The following WFDC9 variants were observed in gnomAD, a reference collection of about 807,000 sequenced individuals.
WFDC9 encodes protein WFDC9.
In WFDC9, 9 loss-of-function variants were observed where a neutral mutation model predicts 9.5. That is an observed-to-expected ratio of 0.95 (90% CI 0.57 to 1.65). The LOEUF (loss-of-function observed/expected upper bound fraction) is 1.65, where lower values mean the gene tolerates loss of function less well. Ranked by LOEUF, WFDC9 falls within the 40% of genes most tolerant of loss-of-function variation. WFDC9 has a pLI of 0.00. For synonymous variants in WFDC9, 33 were observed against 32.3 expected (o/e 1.02, Z -0.07); for missense variants, 87 against 106.7 (o/e 0.82, Z 0.81).
chr20:45,623,456 G>A (rs965695501), intron 1 of WFDC9, among the ~76,000 whole-genome samples: 1 of 151,874 alleles, frequency 6.6e-6, no homozygotes, highest in Non-Finnish European at 1.5e-5. Flanking sequence ...GTAAAAATCC[G>A]TCTCTACTGA....
At chr20:45,627,105 G>A (rs1982235879) in intron 1 of WFDC9, among the ~76,000 whole-genome samples, 1 of 152,308 alleles carries the variant, frequency 6.6e-6, no homozygotes, top group South Asian at 2.1e-4. Context: ...TTCTGTTGAT[G>A]TGAAGTATCA....
chr20:45,610,258 G>A lies in WFDC9; in HGVS notation c.-58-19C>T. 1 of 1,282,322 alleles carries A rather than the reference G, an allele frequency of 7.8e-7. No homozygotes were observed. Among genetic ancestry groups the A allele is most frequent in the South Asian group, 1.3e-5 (1 of 78,712 alleles). 79.4% of individuals were successfully genotyped at this position (1,282,322 alleles called of 1,614,324 possible). A position where few individuals can be genotyped will look rare whatever the true frequency, so the allele number is the denominator to read the frequency against. On this transcript the variant is annotated intron_variant, in intron 2 of 4. Transcript: ENST00000326000. ...CCCAATACTGCTAGACGTAGAAAAT[G>A]GATTGAGGAGAACAGGGTAAGCAAC...
rs1981963644 is a variant in WFDC9, at chr20:45,615,901, T to G, written c.-152-1180A>C. On this transcript the variant is annotated intron_variant, in intron 1 of 4. Coordinates refer to ENST00000326000, the MANE Select transcript of WFDC9 (RefSeq NM_147198.4). ...GTGCATACCATAATTTTAAAATACT[T>G]TACTACTAAAAATTGCTAATGATTA... 2.0e-5 allele frequency among the ~76,000 whole-genome samples: 3 copies of G among 152,224 alleles called. 1 individual carries two copies. In the South Asian group the frequency reaches 6.2e-4, roughly 32 times the overall value.
intron 1 of WFDC9, among the ~76,000 whole-genome samples, chr20:45,621,155 A>G (rs1982088858): frequency 6.6e-6 from 1 of 152,106 alleles, no homozygotes; most frequent in South Asian, 2.1e-4. Context: ...AGGATTTTTT[A>G]TTTAAGCCCA....
intron 1 of WFDC9, among the ~76,000 whole-genome samples, chr20:45,621,342 C>T (rs1285144366): frequency 6.6e-6 from 1 of 152,190 alleles, no homozygotes; most frequent in Non-Finnish European, 1.5e-5. Context: ...TCTATCTCTT[C>T]CTTCCACTTT....
At position 45,631,201 on chromosome 20, in the gene WFDC9, A is replaced by C; in HGVS notation, c.-153+2T>G. On this transcript the variant is annotated splice_donor_variant, in intron 1 of 4. Coordinates refer to ENST00000326000, the MANE Select transcript of WFDC9 (RefSeq NM_147198.4). LOFTEE classifies it low-confidence loss of function (5UTR_SPLICE). ...ACCAGAACAAATGCCCAGGGATCCT[A>C]CCTCTTTTGCTGCCACTACAGATGA... 6 of 571,998 alleles carry C rather than the reference A, an allele frequency of 1.0e-5. No individual in the cohort carries two copies. The allele number at this position is 571,998 out of a possible 1,614,324, so 35.4% of individuals were successfully genotyped here. A position where few individuals can be genotyped will look rare whatever the true frequency, so the allele number is the denominator to read the frequency against.
At chr20:45,609,376 T>C (rs574404636) in intron 3 of WFDC9, among the ~76,000 whole-genome samples, 1 of 152,034 alleles carries the variant, frequency 6.6e-6, no homozygotes, top group African/African-American at 2.4e-5. Context: ...GCTAATTTTT[T>C]GTATCTTAAT....
intron 1 of WFDC9, among the ~76,000 whole-genome samples, chr20:45,619,128 G>A (rs1982036811): frequency 1.3e-5 from 2 of 152,178 alleles, no homozygotes; most frequent in South Asian, 4.1e-4. Context: ...ACTGAAAATG[G>A]TGCCAAACCT....
chr20:45,612,054 A>G (rs1464847227), intron 2 of WFDC9, among the ~76,000 whole-genome samples: 1 of 152,142 alleles, frequency 6.6e-6, no homozygotes, highest in Non-Finnish European at 1.5e-5. Context: ...AAAAATATCA[A>G]TACTCATCTC....
chr20:45,616,119 G>A (rs1330208072), intron 1 of WFDC9, among the ~76,000 whole-genome samples: 6 of 152,144 alleles, frequency 3.9e-5, no homozygotes, highest in South Asian at 4.1e-4. Context: ...AGCATGCAAC[G>A]CTGCTTGATA....
At chr20:45,624,574 A>G (rs924416259) in intron 1 of WFDC9, among the ~76,000 whole-genome samples, 3 of 152,188 alleles carry the variant, frequency 2.0e-5, no homozygotes, top group African/African-American at 4.8e-5. Context: ...TTGGATAAAT[A>G]CCTAGTAGTG....
intron 1 of WFDC9, among the ~76,000 whole-genome samples, chr20:45,626,053 C>A (rs183238525): frequency 5.2e-4 from 79 of 152,054 alleles, no homozygotes; most frequent in Non-Finnish European, 9.3e-4. Flanking sequence ...AACACCTGAC[C>A]TCATGTGATC....
chr20:45,616,927 T>G (rs948148289), intron 1 of WFDC9, among the ~76,000 whole-genome samples: 1 of 152,220 alleles, frequency 6.6e-6, no homozygotes, highest in Non-Finnish European at 1.5e-5. Flanking sequence ...TTTGGCTCAT[T>G]ATTACTTTAA....
Position 45,625,021 on chromosome 20 carries a change from T to A in WFDC9, c.-153+6182A>T, listed in dbSNP as rs962575075. Among the ~76,000 whole-genome samples, 8 of 152,182 alleles carry A rather than the reference T, an allele frequency of 5.3e-5. No homozygotes were observed. The East Asian group carries it at 7.7e-4, about 15-fold the overall frequency. ...TCAAATGAATAATGTATTAGTCTGT[T>A]CTCAGATTGCTATGAAGATACTACC... On this transcript the variant is annotated intron_variant, in intron 1 of 4. Transcript: ENST00000326000.
chr20:45,630,878 C>A, intron 1 of WFDC9: 9 of 1,600,240 alleles, frequency 5.6e-6, no homozygotes, highest in Non-Finnish European at 7.7e-6. Flanking sequence ...AGAAACACAG[C>A]TATCCCCAGA....
In WFDC9 at chr20:45,611,983, G is replaced by A. The variant is rs144294924; in HGVS notation, c.-58-1744C>T. The stretch of plus-strand genomic sequence containing the variant: ...ATCCCAACCCCACCAACTCCTAGCC[G>A]TGGAGCCTGGGCCAGCCACATAATC... On this transcript the variant is annotated intron_variant, in intron 2 of 4. Coordinates refer to ENST00000326000, the MANE Select transcript of WFDC9 (RefSeq NM_147198.4). 1.8e-4 allele frequency among the ~76,000 whole-genome samples: 27 copies of A among 152,214 alleles called. 1 individual carries two copies. In the Middle Eastern group the frequency reaches 0.017, roughly 96 times the overall value.
intron 4 of WFDC9, among the ~76,000 whole-genome samples, chr20:45,608,416 G>A (rs1981775821): frequency 6.6e-6 from 1 of 152,174 alleles, no homozygotes; most frequent in African/African-American, 2.4e-5. Flanking sequence ...TGTATGAACT[G>A]TTGGGTGATA....
intron 1 of WFDC9, among the ~76,000 whole-genome samples, chr20:45,621,663 T>C (rs1982103590): frequency 1.3e-5 from 2 of 152,290 alleles, no homozygotes; most frequent in East Asian, 1.9e-4. Context: ...CAGCCCCCAA[T>C]AGAAACCTTG....
intron 1 of WFDC9, among the ~76,000 whole-genome samples, chr20:45,627,266 G>A (rs1434918050): frequency 6.6e-6 from 1 of 152,092 alleles, no homozygotes; most frequent in Non-Finnish European, 1.5e-5. Flanking sequence ...AGGAATATTG[G>A]CCTGTGGGTT....
Sources: allele counts gnomAD v4.1 joint callset (sites outside exome capture counted in the v4.1 genomes callset), GRCh38; gene constraint gnomAD v4.1.1; transcripts MANE v1.5; gene names NCBI Gene and HGNC (gene_info 2026-07-23, HGNC 2026-07-21).